RBPMS: variants seen among roughly 807,000 people sequenced by gnomAD.
The protein encoded by RBPMS is RNA-binding protein with multiple splicing.
A neutral mutation model predicts 26.8 loss-of-function variants in RBPMS; 7 were observed. The observed-to-expected ratio is 0.26, with a 90% CI of 0.15 to 0.49. RBPMS has a LOEUF of 0.49. Among genes scored for constraint, RBPMS ranks in the 20% least tolerant of loss-of-function variants. The pLI is 0.98. For synonymous variants in RBPMS, 96 were observed against 93.3 expected (o/e 1.03, Z -0.17); for missense variants, 186 against 250.0 (o/e 0.74, Z 1.73).
At position 30,555,966 on chromosome 8, in the gene RBPMS, C is replaced by A. The variant is rs1170582893; in HGVS notation, c.529-2921C>A. ...TGCACCATGAGCCCTGCCGCTCTGC[C>A]GGCTGTGGTGCGGGAACCTGGATGA... On this transcript the variant is annotated intron_variant, in intron 6 of 8. Transcript: ENST00000397323. 4.1e-6 allele frequency: 4 copies of A among 984,108 alleles called. No individual in the cohort carries two copies. In the African/African-American group the frequency reaches 5.2e-5, roughly 13 times the overall value. The allele number at this position is 984,108 out of a possible 1,614,324, so 61.0% of individuals were successfully genotyped here.
chr8:30,549,476 T>C, intron 6 of RBPMS: 1 of 1,593,164 alleles, frequency 6.3e-7, no homozygotes, highest in South Asian at 1.1e-5. Context: ...CCTCTGACAT[T>C]TACCTTTTCC....
chr8:30,435,346 C>T (rs1277638404), intron 1 of RBPMS, among the ~76,000 whole-genome samples: 1 of 152,130 alleles, frequency 6.6e-6, no homozygotes, highest in African/African-American at 2.4e-5. Flanking sequence ...AAATTGAAAA[C>T]ACTTCTGGTC....
chr8:30,496,217 G>T (rs1819928471), intron 4 of RBPMS, among the ~76,000 whole-genome samples: 2 of 149,030 alleles, frequency 1.3e-5, no homozygotes. Context: ...CTCCCAGGCT[G>T]GAGTGCAGTG....
intron 1 of RBPMS, among the ~76,000 whole-genome samples, chr8:30,450,462 G>A (rs1401954104): frequency 6.6e-6 from 1 of 152,134 alleles, no homozygotes; most frequent in Non-Finnish European, 1.5e-5. Context: ...CTTTGAGGAG[G>A]AGGTGGGAAG....
chr8:30,423,555 AT>A (rs1811034850), intron 1 of RBPMS, among the ~76,000 whole-genome samples: 1 of 135,494 alleles, frequency 7.4e-6, no homozygotes, highest in African/African-American at 2.8e-5. Context: ...CTTCCCATCC[AT>A]TTCTTCTTTC....
At chr8:30,427,529 A>C (rs1427767967) in intron 1 of RBPMS, among the ~76,000 whole-genome samples, 2 of 152,196 alleles carry the variant, frequency 1.3e-5, no homozygotes, top group Non-Finnish European at 2.9e-5. Context: ...TACCCAGATC[A>C]AATGGAAGCC....
intron 4 of RBPMS, among the ~76,000 whole-genome samples, chr8:30,499,642 C>G (rs1469630310): frequency 6.6e-6 from 1 of 152,010 alleles, no homozygotes; most frequent in African/African-American, 2.4e-5. Context: ...GAGGGCTACT[C>G]TACAAAATAA....
At chr8:30,479,267 A>G in intron 3 of RBPMS, 48 bp from the exon 4 acceptor site, 1 of 1,374,068 alleles carries the variant, frequency 7.3e-7, no homozygotes, top group Non-Finnish European at 1.0e-6. Flanking sequence ...CTAGAAAAGT[A>G]GACATCATCT....
At chr8:30,513,533 A>C (rs1821950620) in intron 5 of RBPMS, among the ~76,000 whole-genome samples, 1 of 144,816 alleles carries the variant, frequency 6.9e-6, no homozygotes, top group Non-Finnish European at 1.5e-5. Flanking sequence ...GCTTGCAGTG[A>C]GCCGAGATTT....
chr8:30,385,964 A>G (rs1430153686), intron 1 of RBPMS, among the ~76,000 whole-genome samples: 1 of 152,216 alleles, frequency 6.6e-6, no homozygotes, highest in Admixed American at 6.5e-5. Context: ...CAAACGTTTC[A>G]GAATTCAGTA....
intron 5 of RBPMS, among the ~76,000 whole-genome samples, chr8:30,530,828 C>T (rs905722520): frequency 6.6e-6 from 1 of 152,162 alleles, no homozygotes; most frequent in Non-Finnish European, 1.5e-5. Context: ...ATAGGTACTA[C>T]TACTACTATT....
At chr8:30,449,881 G>A (rs1585506152) in intron 1 of RBPMS, among the ~76,000 whole-genome samples, 1 of 152,228 alleles carries the variant, frequency 6.6e-6, no homozygotes, top group South Asian at 2.1e-4. Context: ...TTCAGGGCCA[G>A]ATTCTACAGT....
chr8:30,495,787 T>C (rs750178844), intron 4 of RBPMS, among the ~76,000 whole-genome samples: 5 of 152,212 alleles, frequency 3.3e-5, no homozygotes, highest in Admixed American at 6.5e-5. Flanking sequence ...ACTTGTTCAT[T>C]CTCTGTTGGA....
At chr8:30,407,635 T>TA (rs1808807446) in intron 1 of RBPMS, among the ~76,000 whole-genome samples, 1 of 4,348 alleles carries the variant, frequency 2.3e-4, no homozygotes, top group Middle Eastern at 0.042. Context: ...GCAGTTGATG[T>TA]GAGATTGATA....
intron 4 of RBPMS, among the ~76,000 whole-genome samples, chr8:30,486,699 A>T (rs1376064938): frequency 6.6e-6 from 1 of 152,182 alleles, no homozygotes; most frequent in African/African-American, 2.4e-5. Context: ...CGGAAATTTT[A>T]GTAGCATCCT....
intron 4 of RBPMS, among the ~76,000 whole-genome samples, chr8:30,489,059 G>C (rs756403235): frequency 6.6e-6 from 1 of 152,038 alleles, no homozygotes; most frequent in Non-Finnish European, 1.5e-5. Context: ...TTGATTTTTT[G>C]TTGTTAAGAC....
intron 5 of RBPMS, among the ~76,000 whole-genome samples, chr8:30,535,560 AT>A (rs1456947290): frequency 1.3e-5 from 2 of 152,188 alleles, no homozygotes; most frequent in African/African-American, 2.4e-5. Context: ...AGCTTCATTA[AT>A]TATCAAAGAA....
chr8:30,411,192 A>G (rs577609845), intron 1 of RBPMS, among the ~76,000 whole-genome samples: 119 of 152,314 alleles, frequency 7.8e-4, no homozygotes, highest in South Asian at 2.3e-3. Context: ...CAAACTTGGG[A>G]AAAGCACTTC....
In RBPMS at chr8:30,558,863, C is replaced by A. The variant is rs187252030; in HGVS notation, c.529-24C>A. On this transcript the variant is annotated intron_variant, in intron 6 of 8. Coordinates refer to ENST00000397323, the MANE Select transcript of RBPMS (RefSeq NM_001008710.3). ...GGATATGCTGGGGAGCCCTGGCTCA[C>A]GGCCTTCTCCCATGTCTTTTCAGAT... is the stretch of plus-strand genomic sequence containing the variant. 9.0e-5 allele frequency: 144 copies of A among 1,608,594 alleles called. 1 individual carries two copies. The East Asian group carries it at 2.1e-3, about 23-fold the overall frequency.
Sources: allele counts gnomAD v4.1 joint callset (sites outside exome capture counted in the v4.1 genomes callset), GRCh38; gene constraint gnomAD v4.1.1; transcripts MANE v1.5; gene names NCBI Gene and HGNC (gene_info 2026-07-23, HGNC 2026-07-21).